The following UNC13C variants were observed in gnomAD, a reference collection of about 807,000 sequenced individuals.
The protein encoded by UNC13C is protein unc-13 homolog C.
Under a neutral mutation model 245.4 loss-of-function variants are expected in UNC13C, and 174 were observed. That is an observed-to-expected ratio of 0.71 (90% CI 0.63 to 0.80). The LOEUF (loss-of-function observed/expected upper bound fraction) is 0.80. Among genes scored for constraint, UNC13C ranks in the 30% least tolerant of loss-of-function variants. The pLI, the probability that UNC13C is intolerant of heterozygous loss-of-function variation, is 0.00. For missense variants in UNC13C, 2,829 were observed against 2,602.9 expected (o/e 1.09, Z -1.89); for synonymous variants, 992 against 895.1 (o/e 1.11, Z -1.93).
chr15:54,313,166 T>C (rs2037919417), intron 13 of UNC13C, among the ~76,000 whole-genome samples: 1 of 151,806 alleles, frequency 6.6e-6, no homozygotes. Context: ...AAAATGCTGC[T>C]TTCAGTTTAC....
At chr15:54,022,238 C>G (rs559783782) in intron 2 of UNC13C, among the ~76,000 whole-genome samples, 2 of 152,140 alleles carry the variant, frequency 1.3e-5, no homozygotes, top group Non-Finnish European at 2.9e-5. Flanking sequence ...ACATTCTCAC[C>G]AACACTTGTT....
At chr15:54,518,021 T>C (rs1367880184) in intron 24 of UNC13C, among the ~76,000 whole-genome samples, 4 of 152,082 alleles carry the variant, frequency 2.6e-5, no homozygotes, top group Non-Finnish European at 5.9e-5. Flanking sequence ...ATAAGGAGAA[T>C]TGAATATTTG....
intron 2 of UNC13C, among the ~76,000 whole-genome samples, chr15:54,029,286 G>A (rs762711511): frequency 1.5e-4 from 23 of 152,260 alleles, no homozygotes; most frequent in Non-Finnish European, 2.9e-4. Context: ...TTCAACATAG[G>A]GAACCAAATA....
At chr15:54,256,857 G>A (rs7170627) in intron 8 of UNC13C, among the ~76,000 whole-genome samples, 2,604 of 152,236 alleles carry the variant, frequency 0.017, 79 homozygotes, top group African/African-American at 0.06. Flanking sequence ...TGTGGTTTAC[G>A]CAGTGCTATG....
intron 2 of UNC13C, among the ~76,000 whole-genome samples, chr15:54,089,303 T>G (rs12898716): frequency 0.48 from 72,537 of 152,014 alleles, 18,788 homozygotes; most frequent in Non-Finnish European, 0.59. Flanking sequence ...CAGCAATTCA[T>G]TATTTGGAAG....
intron 2 of UNC13C, among the ~76,000 whole-genome samples, chr15:54,128,472 C>G (rs2031197811): frequency 6.6e-6 from 1 of 152,192 alleles, no homozygotes; most frequent in Admixed American, 6.5e-5. Flanking sequence ...ATCCTAACAT[C>G]TGTGTGTGAA....
At chr15:54,162,846 A>G (rs890609751) in intron 4 of UNC13C, among the ~76,000 whole-genome samples, 6 of 152,228 alleles carry the variant, frequency 3.9e-5, no homozygotes, top group African/African-American at 1.2e-4. Context: ...AAACTCAACA[A>G]GATTAAGCAT....
At chr15:54,294,850 C>T (rs28747685) in intron 11 of UNC13C, among the ~76,000 whole-genome samples, 10,848 of 151,898 alleles carry the variant, frequency 0.071, 1,317 homozygotes, top group African/African-American at 0.25. Flanking sequence ...CTTAGGATAC[C>T]AACATATGTT....
chr15:54,319,861 G>C (rs1000681491), intron 13 of UNC13C, among the ~76,000 whole-genome samples: 1 of 151,812 alleles, frequency 6.6e-6, no homozygotes, highest in East Asian at 1.9e-4. Flanking sequence ...CAAGTCTTTT[G>C]TTGTAGTTCA....
chr15:53,848,518 T>G, the UNC13C span, among the ~76,000 whole-genome samples: 24 of 152,304 alleles, frequency 1.6e-4, no homozygotes, highest in East Asian at 4.2e-3. Flanking sequence ...TTAAATATAT[T>G]GAGACTTATT....
intron 17 of UNC13C, among the ~76,000 whole-genome samples, chr15:54,383,616 A>C (rs1236916875): frequency 6.6e-6 from 1 of 152,164 alleles, no homozygotes; most frequent in African/African-American, 2.4e-5. Flanking sequence ...CAAATGGTGA[A>C]AAATGCCCGC....
chr15:53,934,672 G>C, the UNC13C span, among the ~76,000 whole-genome samples: 1 of 152,132 alleles, frequency 6.6e-6, no homozygotes, highest in Non-Finnish European at 1.5e-5. Context: ...TAGAATAGGT[G>C]CTTATGAGTA....
downstream of UNC13C, chr15:54,631,607 A>T (rs1226302137): frequency 6.6e-6 from 1 of 152,146 alleles, no homozygotes; most frequent in East Asian, 1.9e-4. Context: ...TACAGTATAT[A>T]TTCTTTTGAG....
intron 24 of UNC13C, among the ~76,000 whole-genome samples, chr15:54,522,998 C>T (rs572593): frequency 6.6e-6 from 1 of 152,034 alleles, no homozygotes; most frequent in Non-Finnish European, 1.5e-5. Context: ...CTAGGATAAG[C>T]TTTAAACCTT....
the UNC13C span, among the ~76,000 whole-genome samples, chr15:53,841,443 C>T: frequency 6.6e-6 from 1 of 152,110 alleles, no homozygotes; most frequent in East Asian, 1.9e-4. Context: ...TCTTATTCTG[C>T]ACTTTTACTG....
At chr15:54,199,985 A>G (rs2034472200) in intron 4 of UNC13C, among the ~76,000 whole-genome samples, 1 of 152,126 alleles carries the variant, frequency 6.6e-6, no homozygotes, top group Non-Finnish European at 1.5e-5. Flanking sequence ...AAGGGGTGGA[A>G]AAAGATATTC....
the UNC13C span, among the ~76,000 whole-genome samples, chr15:53,950,501 T>G: frequency 2.6e-5 from 4 of 152,102 alleles, no homozygotes; most frequent in East Asian, 5.8e-4. Context: ...AGTATAATTC[T>G]TCAGTACTCT....
intron 17 of UNC13C, among the ~76,000 whole-genome samples, chr15:54,374,794 C>T (rs530874039): frequency 3.9e-5 from 6 of 152,334 alleles, no homozygotes; most frequent in East Asian, 1.9e-4. Flanking sequence ...TGCGCCTCGC[C>T]GGCTGGCTGC....
chr15:54,534,932 T>G (rs1404061511), intron 26 of UNC13C, among the ~76,000 whole-genome samples: 1 of 152,076 alleles, frequency 6.6e-6, no homozygotes. Flanking sequence ...AAATGAAAGA[T>G]CAATACCTGC....
Sources: allele counts gnomAD v4.1 joint callset (sites outside exome capture counted in the v4.1 genomes callset), GRCh38; gene constraint gnomAD v4.1.1; transcripts MANE v1.5; gene names NCBI Gene and HGNC (gene_info 2026-07-23, HGNC 2026-07-21).